Variants in DHX32 observed in about 807,000 individuals in gnomAD.
DHX32 encodes putative pre-mRNA-splicing factor ATP-dependent RNA helicase DHX32.
A neutral mutation model predicts 70.0 loss-of-function variants in DHX32; 51 were observed. The observed-to-expected ratio is 0.73, with a 90% CI of 0.58 to 0.92. The LOEUF (loss-of-function observed/expected upper bound fraction) is 0.92. DHX32 is among the 40% of genes least tolerant of loss of function. DHX32 has a pLI of 0.00. For synonymous variants in DHX32, 310 were observed against 315.3 expected (o/e 0.98, Z 0.18); for missense variants, 762 against 891.8 (o/e 0.85, Z 1.85).
At chr10:125,886,435 A>G (rs1367154588) in intron 1 of DHX32, among the ~76,000 whole-genome samples, 58 of 152,142 alleles carry the variant, frequency 3.8e-4, no homozygotes, top group Admixed American at 9.2e-4. Flanking sequence ...AGCAGGGCTT[A>G]GTGTCTCCAC....
rs960160991 is a variant in DHX32, at chr10:125,880,889, T to C, written c.-65A>G. The stretch of plus-strand genomic sequence containing the variant: ...GCAAGTTTCTCCTATCAGTAACCCA[T>C]TGCAAACAGGGCTTAAAAGCCTATT... On this transcript the variant is annotated 5_prime_UTR_variant, in exon 1 of 11. It removes an upstream start codon present in the reference 5' UTR. Transcript: ENST00000284690. 21 of 1,544,320 alleles carry C rather than the reference T, an allele frequency of 1.4e-5. No homozygotes were observed. Among genetic ancestry groups the C allele is most frequent in the East Asian group, 6.8e-5 (3 of 44,430 alleles).
intron 2 of DHX32, among the ~76,000 whole-genome samples, chr10:125,865,851 TAAG>T (rs1003800206): frequency 6.6e-6 from 1 of 152,094 alleles, no homozygotes; most frequent in Non-Finnish European, 1.5e-5. Context: ...TGAATGGAGA[TAAG>T]AACCGCACCA....
intron 1 of DHX32, among the ~76,000 whole-genome samples, chr10:125,870,803 C>G (rs1156404055): frequency 2.0e-5 from 3 of 152,006 alleles, no homozygotes; most frequent in Non-Finnish European, 4.4e-5. Flanking sequence ...CACCACTGCA[C>G]TCCAGCCTGG....
intron 1 of DHX32, 101 bp downstream of exon 1, chr10:125,880,442 T>A: frequency 1.6e-6 from 2 of 1,271,882 alleles, no homozygotes; most frequent in South Asian, 3.4e-5. Context: ...TTGTTTTTTG[T>A]TTTAGACACT....
chr10:125,860,654 A>G (rs868596581), intron 2 of DHX32, among the ~76,000 whole-genome samples: 20 of 152,102 alleles, frequency 1.3e-4, no homozygotes, highest in Admixed American at 7.9e-4. Context: ...ATTTTTTAAA[A>G]TTAAAATAAC....
rs1418918624 is a variant in DHX32, at chr10:125,836,563, T to C, written c.*124A>G. The C allele has an allele frequency of 1.6e-5, 22 of 1,366,102 alleles. No homozygotes were observed. Among genetic ancestry groups the C allele is most frequent in the Non-Finnish European group, 2.1e-5 (22 of 1,033,010 alleles). 84.6% of individuals were successfully genotyped at this position (1,366,102 alleles called of 1,614,324 possible). A position where few individuals can be genotyped will look rare whatever the true frequency, so the allele number is the denominator to read the frequency against. Reference sequence around the variant, plus strand: ...TTATTTTAAAATAATATACACAGTGTTATTTTCTTCAAGACCGTCCTGTGG... The same window carrying C: ...TTATTTTAAAATAATATACACAGTGCTATTTTCTTCAAGACCGTCCTGTGG... On this transcript the variant is annotated 3_prime_UTR_variant, in exon 11 of 11. Transcript: ENST00000284690.
intron 6 of DHX32, among the ~76,000 whole-genome samples, chr10:125,843,276 T>C (rs1008857698): frequency 6.6e-6 from 1 of 152,036 alleles, no homozygotes; most frequent in African/African-American, 2.4e-5. Flanking sequence ...AAGTAACATA[T>C]GGTAAAAATT....
At chr10:125,848,103 C>T (rs1944047561) in intron 6 of DHX32, among the ~76,000 whole-genome samples, 1 of 152,216 alleles carries the variant, frequency 6.6e-6, no homozygotes, top group Non-Finnish European at 1.5e-5. Flanking sequence ...AATGAAGCTT[C>T]TGTTTCTGAT....
At chr10:125,885,446 A>G (rs12571846), upstream of DHX32, among the ~76,000 whole-genome samples, 1,204 of 152,252 alleles carry the variant, frequency 7.9e-3, 109 homozygotes, top group East Asian at 0.2. Context: ...GGACCCTCCT[A>G]GCCACAGTCA....
chr10:125,836,936 C>T (rs1564821120), intron 10 of DHX32, 81 bp from the exon 11 acceptor site: 1 of 1,263,462 alleles, frequency 7.9e-7, no homozygotes, highest in South Asian at 1.4e-5. Flanking sequence ...GGGCACTTCC[C>T]ATCCCTGGAG....
intron 6 of DHX32, among the ~76,000 whole-genome samples, chr10:125,843,762 G>T (rs1362109405): frequency 6.6e-6 from 1 of 152,202 alleles, no homozygotes; most frequent in East Asian, 1.9e-4. Flanking sequence ...AGTCCTGCTG[G>T]AGGACAGCGG....
chr10:125,889,833 A>T (rs1395631309), intron 1 of DHX32, among the ~76,000 whole-genome samples: 2 of 152,302 alleles, frequency 1.3e-5, no homozygotes, highest in Non-Finnish European at 2.9e-5. Context: ...GGATTATTTC[A>T]TTTAAACTCT....
chr10:125,880,419 T>A, intron 1 of DHX32, 124 bp downstream of exon 1: 1 of 1,005,408 alleles, frequency 9.9e-7, no homozygotes, highest in South Asian at 2.1e-5. Flanking sequence ...AATTATTTTA[T>A]CTGAATAATG....
At chr10:125,875,854 G>C (rs1279718490) in intron 1 of DHX32, among the ~76,000 whole-genome samples, 1 of 152,156 alleles carries the variant, frequency 6.6e-6, no homozygotes, top group Non-Finnish European at 1.5e-5. Context: ...AATGATGACA[G>C]CAAAATGAAA....
At chr10:125,882,248 C>T (rs1263042214), upstream of DHX32, among the ~76,000 whole-genome samples, 1 of 152,110 alleles carries the variant, frequency 6.6e-6, no homozygotes, top group African/African-American at 2.4e-5. Context: ...AAAAAGAAAA[C>T]TCAAGTTAAA....
Position 125,838,276 on chromosome 10 carries a change from C to T in DHX32, c.1993G>A (p.Val665Ile), listed in dbSNP as rs759613923. The change falls in exon 10 of 11, where the codon GTC (valine) becomes ATC (isoleucine). Residue 665 changes from valine to isoleucine, a missense_variant. Physicochemically the swap from Val to Ile is conservative, Grantham distance 29 (BLOSUM62 3). Around this residue, in one of 3 missense-constraint regions of DHX32, gnomAD observed 366 missense variants for 402.6 expected, o/e 0.91. Coordinates refer to ENST00000284690, the MANE Select transcript of DHX32 (RefSeq NM_018180.3). ...YSITKKMPEW[V>I]LFHKFSISEN... ...GAAATGCTGAATTTATGGAAGAGGA[C>T]CCACTCTGGCATCTTCTTGGTGATT... The T allele has an allele frequency of 6.2e-7, 1 of 1,613,774 alleles. No homozygotes were observed. Among genetic ancestry groups the T allele is most frequent in the South Asian group, 1.1e-5 (1 of 90,978 alleles).
At chr10:125,846,760 G>A (rs1206842311) in intron 6 of DHX32, among the ~76,000 whole-genome samples, 1 of 152,204 alleles carries the variant, frequency 6.6e-6, no homozygotes, top group Non-Finnish European at 1.5e-5. Context: ...CAGGGGACTG[G>A]TTCAGGGTGG....
chr10:125,839,092 C>A lies in DHX32; in HGVS notation c.1790G>T (p.Arg597Leu), dbSNP rs371509912. Residue 597 changes from arginine (R) to leucine (L), a missense_variant, in exon 9 of 11, where the codon CGA (arginine) becomes CTA (leucine). Transcript: ENST00000284690. ...IRAELLEIIKRIELPYAEPAF... is the reference protein window; with the variant it reads ...IRAELLEIIKLIELPYAEPAF... The stretch of plus-strand genomic sequence containing the variant: ...AGGTTCTGCATAGGGAAGCTCGATT[C>A]GCTTGATAATTTCTAAGAGTTCAGC... 1.2e-6 allele frequency: 2 copies of A among 1,614,058 alleles called. No homozygotes were observed. The highest frequency in any genetic ancestry group is 8.5e-7 in the Non-Finnish European group (1 of 1,180,042).
rs34866812 is a variant in DHX32 at position 125,836,825 on chromosome 10, G to A, written c.2094C>T (p.Phe698=). 5,364 of 1,614,094 alleles carry A rather than the reference G, an allele frequency of 3.3e-3. 176 individuals are homozygous for A. The African/African-American group carries it at 0.063, about 19-fold the overall frequency. The change falls in exon 11 of 11, where the codon TTC becomes TTT. Residue 698 remains phenylalanine, a synonymous_variant. Coordinates refer to ENST00000284690, the MANE Select transcript of DHX32 (RefSeq NM_018180.3). The stretch of plus-strand genomic sequence containing the variant: ...TACTTTCACTAGGAGGCAGATTACT[G>A]AAATAGTATTGTGGTACCAGCTGCA... ...LFMQLVPQYY[F]SNLPPSESKD...
Sources: gnomAD v4.1 joint callset for allele counts (sites outside exome capture counted in the v4.1 genomes callset) on GRCh38, gnomAD v4.1.1 for gene constraint, gnomAD v4.1.1 regional missense constraint, MANE v1.5 for transcripts, NCBI Gene and HGNC (gene_info 2026-07-23, HGNC 2026-07-21) for gene names.